ZDHHC19: variants seen among roughly 807,000 people sequenced by gnomAD.
ZDHHC19 encodes the protein zDHHC palmitoyltransferase 19, also known as palmitoyltransferase ZDHHC19.
Under a neutral mutation model 33.9 loss-of-function variants are expected in ZDHHC19, and 30 were observed. The ratio of observed to expected loss-of-function variants is 0.88; its 90% CI spans 0.66 to 1.20. ZDHHC19 has a LOEUF of 1.20. Among genes scored for constraint, ZDHHC19 ranks in the 50% most tolerant of loss-of-function variants. The probability of loss-of-function intolerance (pLI) is 0.00; values close to 1 mark genes in which losing one functional copy is unlikely to be tolerated. For synonymous variants in ZDHHC19, 178 were observed against 167.6 expected, an observed-to-expected ratio of 1.06 and a Z score of -0.48; for missense variants, 364 against 401.1, an observed-to-expected ratio of 0.91 and a Z score of 0.79.
intron 5 of ZDHHC19, among the ~76,000 whole-genome samples, chr3:196,200,066 G>A (rs1722144112): frequency 6.6e-6 from 1 of 151,604 alleles, no homozygotes; most frequent in Non-Finnish European, 1.5e-5. Context: ...GAGAAGGGAG[G>A]ATCTCTTGAC....
intron 5 of ZDHHC19, 112 bp from the exon 6 acceptor site, chr3:196,198,986 C>A (rs759145679): frequency 3.7e-6 from 4 of 1,081,032 alleles, no homozygotes; most frequent in Non-Finnish European, 5.6e-6. Context: ...GCCCAGGGCA[C>A]CAGCAAGCTG....
intron 4 of ZDHHC19, among the ~76,000 whole-genome samples, chr3:196,207,815 C>A (rs1260320263): frequency 1.1e-3 from 131 of 114,658 alleles, no homozygotes; most frequent in African/African-American, 4.1e-3. Context: ...GCCCCGTCCC[C>A]TGGCTCCACC....
rs983171776 is a variant in ZDHHC19, at chr3:196,207,287, G to C, written c.687+111C>G. On this transcript the variant is annotated intron_variant, in intron 5 of 7. Transcript: ENST00000296326. Reference sequence around the variant, plus strand: ...AGAGCTGGGTCTGGAGGGACCTAACGAGGCACCATCGCGGGTGGGGGTCAG... The same window carrying C: ...AGAGCTGGGTCTGGAGGGACCTAACCAGGCACCATCGCGGGTGGGGGTCAG... 3 of 915,442 alleles carry C rather than the reference G, an allele frequency of 3.3e-6. No homozygotes were observed. In the African/African-American group the frequency reaches 5.0e-5, roughly 15 times the overall value. The allele number at this position is 915,442 out of a possible 1,614,324, so 56.7% of individuals were successfully genotyped here. A position where few individuals can be genotyped will look rare whatever the true frequency, so the allele number is the denominator to read the frequency against.
At chr3:196,210,365 AAGGAAG>A (rs1399793763) in intron 2 of ZDHHC19, among the ~76,000 whole-genome samples, 5 of 124,624 alleles carry the variant, frequency 4.0e-5, no homozygotes, top group Admixed American at 8.7e-5. Context: ...AGAAAGAAGG[AAGGAAG>A]GAAAGAGAGA....
At chr3:196,208,654 G>A in intron 3 of ZDHHC19, 94 bp from the exon 4 acceptor site, 1 of 1,447,112 alleles carries the variant, frequency 6.9e-7, no homozygotes, top group South Asian at 1.3e-5. Context: ...TGCCTTCTAG[G>A]CCACCTGCCC....
intron 5 of ZDHHC19, among the ~76,000 whole-genome samples, chr3:196,201,357 C>T (rs4916495): frequency 0.2 from 31,003 of 151,360 alleles, 3,546 homozygotes; most frequent in South Asian, 0.29. Context: ...TGAGCCACCG[C>T]ACCGGGCCAA....
At position 196,198,267 on chromosome 3, in the gene ZDHHC19, G is replaced by T; in HGVS notation, c.*19+9C>A. The T allele has an allele frequency of 6.7e-7, 1 of 1,484,594 alleles. No individual in the cohort carries two copies. The highest frequency in any genetic ancestry group is 1.5e-5 in the South Asian group (1 of 68,304). The allele number at this position is 1,484,594 out of a possible 1,614,324, so 92.0% of individuals were successfully genotyped here. ...CGCACAGACACCCACGCACACACAC[G>T]CTTCTTACCTCCTGGAGAGCTGCAG... On this transcript the variant is annotated intron_variant, in intron 7 of 7. Transcript: ENST00000296326.
In ZDHHC19 at chr3:196,198,371, G is replaced by A. The variant is rs747340110; in HGVS notation, c.854C>T (p.Ser285Phe). The change falls in exon 7 of 8, where the codon TCC (serine) becomes TTC (phenylalanine). Residue 285 changes from serine (S) to phenylalanine (F), a missense_variant. Transcript: ENST00000296326. ...GGCTGGGGGGTTGAGAGCAGAGGGG[G>A]ACATTGGAGGGTGCAGATTCGGCAT... ...TSMPNLHPPM[S>F]PSALNPPAPT... 17 of 1,531,832 alleles carry A rather than the reference G, an allele frequency of 1.1e-5. No individual in the cohort carries two copies. The highest frequency in any genetic ancestry group is 1.5e-5 in the Non-Finnish European group (17 of 1,139,156). The allele number at this position is 1,531,832 out of a possible 1,614,324, so 94.9% of individuals were successfully genotyped here. A position where few individuals can be genotyped will look rare whatever the true frequency, so the allele number is the denominator to read the frequency against.
chr3:196,207,279 G>T, intron 5 of ZDHHC19, 119 bp downstream of exon 5: 1 of 832,676 alleles, frequency 1.2e-6, no homozygotes, highest in Non-Finnish European at 1.9e-6. Context: ...GGTCTGGAGG[G>T]ACCTAACGAG....
chr3:196,202,195 C>T (rs1722407972), intron 5 of ZDHHC19, among the ~76,000 whole-genome samples: 1 of 152,090 alleles, frequency 6.6e-6, no homozygotes, highest in Non-Finnish European at 1.5e-5. Context: ...GTGGTGCACG[C>T]CCGTAGTTCC....
rs1485516058 is a variant in ZDHHC19 at position 196,197,937 on chromosome 3, TAA to T, written c.*20-214_*20-213del. 6.6e-6 allele frequency among the ~76,000 whole-genome samples: 1 copy of T among 152,020 alleles called. No individual in the cohort carries two copies. Among genetic ancestry groups the T allele is most frequent in the Non-Finnish European group, 1.5e-5 (1 of 67,990 alleles). The stretch of plus-strand genomic sequence containing the variant: ...GCTTCGAGTCAATGTTTCCTTTAAA[TAA>T]AAGAGTCTCCCGCCACCCGCACCCC... On this transcript the variant is annotated intron_variant, in intron 7 of 7. Transcript: ENST00000296326. This position sits in a 1 kb window ranked among gnomAD's most constrained non-coding sequence, Gnocchi z 4.4.
intron 3 of ZDHHC19, chr3:196,208,970 A>T: frequency 3.7e-6 from 1 of 270,868 alleles, no homozygotes; most frequent in Non-Finnish European, 7.1e-6. Flanking sequence ...CTCGAGAGAG[A>T]TGGTCACTCA....
At chr3:196,208,646 C>G in intron 3 of ZDHHC19, 86 bp from the exon 4 acceptor site, 1 of 1,479,300 alleles carries the variant, frequency 6.8e-7, no homozygotes, top group Non-Finnish European at 9.1e-7. Context: ...CCTCCCCCTG[C>G]CTTCTAGGCC....
In ZDHHC19 at chr3:196,198,626, A is replaced by C. The variant is rs773729765; in HGVS notation, c.773+163T>G. On this transcript the variant is annotated intron_variant, in intron 6 of 7. Coordinates refer to ENST00000296326, the MANE Select transcript of ZDHHC19 (RefSeq NM_001039617.2). ...TAGTGGGGCAGGAACACACAGAGCC[A>C]AGGACGTAGGGAGGCCCCAGAGCTC... 1.9e-5 allele frequency: 30 copies of C among 1,550,016 alleles called. No homozygotes were observed. The Middle Eastern group carries it at 2.0e-3, about 103-fold the overall frequency.
chr3:196,198,959 C>T, intron 5 of ZDHHC19, 85 bp from the exon 6 acceptor site: 1 of 1,408,564 alleles, frequency 7.1e-7, no homozygotes, highest in Middle Eastern at 2.1e-4. Flanking sequence ...CTGAGCTGGT[C>T]AGCTAGCCAG....
At chr3:196,210,845 A>C (rs1043029857) in intron 1 of ZDHHC19, 108 bp from the exon 2 acceptor site, 1 of 1,462,918 alleles carries the variant, frequency 6.8e-7, no homozygotes, top group African/African-American at 1.4e-5. Flanking sequence ...GCCAGATCTA[A>C]AAATCCAGGC....
At position 196,211,294 on chromosome 3, in the gene ZDHHC19, T is replaced by TGGCATCCGTTAAGAGTGTCATGGCTG; in HGVS notation, c.-5_21dup (p.Thr8GlnfsTer3). The TGGCATCCGTTAAGAGTGTCATGGCTG allele has an allele frequency of 6.2e-7, 1 of 1,613,592 alleles. No individual in the cohort carries two copies. The highest frequency in any genetic ancestry group is 8.5e-7 in the Non-Finnish European group (1 of 1,179,702). ...GGATGGGGCTCCTTCACCAGCGGCG[T>TGGCATCCGTTAAGAGTGTCATGGCTG]GGCATCCGTTAAGAGTGTCATGGCT... is the stretch of plus-strand genomic sequence containing the variant. On this transcript the variant is annotated stop_gained and frameshift_variant, in exon 1 of 8. Transcript: ENST00000296326. LOFTEE classifies it high-confidence loss of function.
At chr3:196,202,073 C>A (rs1016524175) in intron 5 of ZDHHC19, among the ~76,000 whole-genome samples, 3 of 152,190 alleles carry the variant, frequency 2.0e-5, no homozygotes, top group African/African-American at 7.2e-5. Flanking sequence ...AATCCCAGCA[C>A]TTTGGGAGGC....
At chr3:196,207,371 A>T in intron 5 of ZDHHC19, 27 bp downstream of exon 5, 1 of 1,544,042 alleles carries the variant, frequency 6.5e-7, no homozygotes, top group South Asian at 1.2e-5. Flanking sequence ...CCCGAGGTGC[A>T]AGCTGACCAC....
Sources: allele counts gnomAD v4.1 joint callset (sites outside exome capture counted in the v4.1 genomes callset), GRCh38; gene constraint gnomAD v4.1.1; non-coding constraint Gnocchi (gnomAD v3.1); transcripts MANE v1.5; gene names NCBI Gene and HGNC (gene_info 2026-07-23, HGNC 2026-07-21).